The following CRACDL variants were observed in gnomAD, a reference collection of about 807,000 sequenced individuals.
CRACDL encodes CRACD like.
CRACDL carries 26 observed loss-of-function variants against 70.6 expected under a neutral mutation model. That is an observed-to-expected ratio of 0.37 (90% confidence interval 0.27 to 0.51). The LOEUF (loss-of-function observed/expected upper bound fraction) is 0.51, where lower values mean the gene tolerates loss of function less well. Among genes scored for constraint, CRACDL ranks in the 20% least tolerant of loss-of-function variants. The pLI, the probability that CRACDL is intolerant of heterozygous loss-of-function variation, is 0.94. For synonymous variants in CRACDL, 618 were observed against 615.2 expected, an observed-to-expected ratio of 1.00 and a Z score of -0.07; for missense variants, 1,283 against 1,376.9, an observed-to-expected ratio of 0.93 and a Z score of 1.08.
At chr2:98,877,440 C>T (rs1346490293) in intron 1 of CRACDL, among the ~76,000 whole-genome samples, 3 of 152,184 alleles carry the variant, frequency 2.0e-5, no homozygotes, top group Non-Finnish European at 4.4e-5. Flanking sequence ...ATTGTAACAT[C>T]ATAGTGCAAT....
At chr2:98,890,786 G>A (rs1707943249) in intron 1 of CRACDL, among the ~76,000 whole-genome samples, 1 of 152,206 alleles carries the variant, frequency 6.6e-6, no homozygotes, top group African/African-American at 2.4e-5. Context: ...GCTGGGCGTG[G>A]TGGCTCACAC....
At chr2:98,833,244 A>G (rs1221164264) in intron 3 of CRACDL, among the ~76,000 whole-genome samples, 1 of 152,202 alleles carries the variant, frequency 6.6e-6, no homozygotes, top group African/African-American at 2.4e-5. Flanking sequence ...TTATTTTTGT[A>G]TTAATGAAAA....
chr2:98,797,590 G>T (rs2104395497), intron 7 of CRACDL, 53 bp from the exon 8 acceptor site: 1 of 1,557,414 alleles, frequency 6.4e-7, no homozygotes, highest in Non-Finnish European at 8.8e-7. Flanking sequence ...CTCTTCGGTT[G>T]CACCCTTTGT....
intron 1 of CRACDL, among the ~76,000 whole-genome samples, chr2:98,886,252 C>T (rs1244992734): frequency 1.3e-5 from 2 of 152,186 alleles, no homozygotes; most frequent in Admixed American, 1.3e-4. Context: ...GAAGGAAAAC[C>T]CACTATGACC....
At chr2:98,831,162 C>T (rs1464499554) in intron 5 of CRACDL, among the ~76,000 whole-genome samples, 1 of 152,178 alleles carries the variant, frequency 6.6e-6, no homozygotes, top group Non-Finnish European at 1.5e-5. Flanking sequence ...AGCCCACTGT[C>T]CTCAGACCCT....
rs374283490 is a variant in CRACDL at position 98,797,032 on chromosome 2, C to T, written c.2604+318G>A. 1.6e-4 allele frequency among the ~76,000 whole-genome samples: 24 copies of T among 152,284 alleles called. No individual in the cohort carries two copies. The South Asian group carries it at 2.1e-3, about 13-fold the overall frequency. ...GTTATTTTAACCTCCTCCCATTTTT[C>T]TAGATGCTGAGCTGCTGCGTTGCCA... is the stretch of plus-strand genomic sequence containing the variant. On this transcript the variant is annotated intron_variant, in intron 8 of 9. Coordinates refer to ENST00000397899, the MANE Select transcript of CRACDL (RefSeq NM_207362.3).
intron 7 of CRACDL, among the ~76,000 whole-genome samples, chr2:98,806,364 G>T (rs547578249): frequency 3.3e-5 from 5 of 152,384 alleles, no homozygotes; most frequent in African/African-American, 1.2e-4. Flanking sequence ...CATGTGTATT[G>T]GGGGCACCCC....
chr2:98,837,034 A>G lies in CRACDL; in HGVS notation c.239+1085T>C, dbSNP rs995390309. ...CGGGAGGCGCAGCTTGCAGTGAGCC[A>G]AGATCGCGCCACCGCACTCCAGCCT... On this transcript the variant is annotated intron_variant, in intron 3 of 9. Transcript: ENST00000397899. Among the ~76,000 whole-genome samples the G allele has an allele frequency of 2.0e-5, 3 of 151,338 alleles. No individual in the cohort carries two copies. In the East Asian group the frequency reaches 5.9e-4, roughly 30 times the overall value.
chr2:98,930,778 C>T (rs1056327052), intron 1 of CRACDL, among the ~76,000 whole-genome samples: 3 of 152,136 alleles, frequency 2.0e-5, no homozygotes, highest in African/African-American at 4.8e-5. Context: ...ATGGAAGGAC[C>T]CTTTATTGCT....
chr2:98,901,998 A>G (rs1708294648), intron 1 of CRACDL, among the ~76,000 whole-genome samples: 2 of 152,120 alleles, frequency 1.3e-5, no homozygotes, highest in African/African-American at 4.8e-5. Context: ...AGAAAGCGGG[A>G]CGTCATAGAT....
chr2:98,906,020 TA>T (rs2104666015), intron 1 of CRACDL, among the ~76,000 whole-genome samples: 1 of 152,290 alleles, frequency 6.6e-6, no homozygotes, highest in African/African-American at 2.4e-5. Context: ...TTTCCTCAAA[TA>T]TTTTTTGGCC....
At chr2:98,908,771 T>G (rs891048381) in intron 1 of CRACDL, among the ~76,000 whole-genome samples, 1 of 152,000 alleles carries the variant, frequency 6.6e-6, no homozygotes, top group Non-Finnish European at 1.5e-5. Context: ...ACATTCAGAG[T>G]CTACCGAAGG....
rs1708347757 is a variant in CRACDL at position 98,904,057 on chromosome 2, G to A, written c.-11+31881C>T. Among the ~76,000 whole-genome samples the A allele has an allele frequency of 2.6e-5, 4 of 152,258 alleles. 1 individual carries two copies. The Middle Eastern group carries it at 0.01, about 388-fold the overall frequency. On this transcript the variant is annotated intron_variant, in intron 1 of 9. Coordinates refer to ENST00000397899, the MANE Select transcript of CRACDL (RefSeq NM_207362.3). Reference sequence around the variant, plus strand: ...AGCCACTTTCATCCCAGGTGTCATCGATACTTGGAGTTCCCGTCAGCCTCA... The same window carrying A: ...AGCCACTTTCATCCCAGGTGTCATCAATACTTGGAGTTCCCGTCAGCCTCA...
At chr2:98,879,811 G>C (rs910425026) in intron 1 of CRACDL, among the ~76,000 whole-genome samples, 2 of 152,244 alleles carry the variant, frequency 1.3e-5, no homozygotes, top group Non-Finnish European at 1.5e-5. Flanking sequence ...CTCCCAAAGT[G>C]CTAGGACTAC....
intron 1 of CRACDL, among the ~76,000 whole-genome samples, chr2:98,878,297 A>G (rs575397757): frequency 6.7e-4 from 102 of 152,122 alleles, no homozygotes; most frequent in Non-Finnish European, 1.2e-3. Context: ...CTATGTTTAG[A>G]TATGTTCAGA....
rs192890613 is a variant in CRACDL, at chr2:98,882,152, C to T, written c.-10-35342G>A. The stretch of plus-strand genomic sequence containing the variant: ...CTGCAGCCTCCTAGAAATGGGAACT[C>T]AGCCGGGCGACTAAAGGCCACTTAG... On this transcript the variant is annotated intron_variant, in intron 1 of 9. Transcript: ENST00000397899. 2.8e-3 allele frequency among the ~76,000 whole-genome samples: 432 copies of T among 152,334 alleles called. 4 individuals carry two copies. Among genetic ancestry groups the T allele is most frequent in the African/African-American group, 0.01 (422 of 41,564 alleles).
chr2:98,818,056 T>C (rs1343649069), intron 7 of CRACDL, among the ~76,000 whole-genome samples: 1 of 152,228 alleles, frequency 6.6e-6, no homozygotes, highest in Non-Finnish European at 1.5e-5. Context: ...TAATCCTGCG[T>C]GCAGAAGCTG....
chr2:98,925,779 T>C (rs1479025359), intron 1 of CRACDL, among the ~76,000 whole-genome samples: 2 of 152,110 alleles, frequency 1.3e-5, no homozygotes, highest in Non-Finnish European at 2.9e-5. Flanking sequence ...AAAGGTGAAG[T>C]TACCCAAAAG....
Position 98,826,975 on chromosome 2 carries a change from C to G in CRACDL, c.735G>C (p.Ser245=). 1 of 1,608,736 alleles carries G rather than the reference C, an allele frequency of 6.2e-7. No individual in the cohort carries two copies. Among genetic ancestry groups the G allele is most frequent in the Non-Finnish European group, 8.5e-7 (1 of 1,176,770 alleles). ...QRSSKMRRLS[S]RAQSESLSDL... Reference sequence around the variant, plus strand: ...TGTGTGGAGAAGGAAACCCAATTACCGATGAGAGCCGCCTCATCTTACTCG... The same window carrying G: ...TGTGTGGAGAAGGAAACCCAATTACGGATGAGAGCCGCCTCATCTTACTCG... The change falls in exon 6 of 10, where the codon TCG becomes TCC. Residue 245 remains serine (S), a splice_region_variant and synonymous_variant. Transcript: ENST00000397899.
Sources: allele counts gnomAD v4.1 joint callset (sites outside exome capture counted in the v4.1 genomes callset), GRCh38; gene constraint gnomAD v4.1.1; transcripts MANE v1.5; gene names NCBI Gene and HGNC (gene_info 2026-07-23, HGNC 2026-07-21).